The following KIF20A variants were observed in gnomAD, a reference collection of about 807,000 sequenced individuals.
The protein encoded by KIF20A is kinesin-like protein KIF20A.
Under a neutral mutation model 113.0 loss-of-function variants are expected in KIF20A, and 66 were observed. The observed-to-expected ratio is 0.58, with a 90% CI of 0.48 to 0.72. KIF20A has a LOEUF of 0.72. KIF20A is among the 30% of genes least tolerant of loss of function. The probability of loss-of-function intolerance (pLI) is 0.00; values close to 1 mark genes in which losing one functional copy is unlikely to be tolerated. For synonymous variants in KIF20A, 376 were observed against 402.3 expected, an observed-to-expected ratio of 0.93 and a Z score of 0.78; for missense variants, 927 against 1,077.6, an observed-to-expected ratio of 0.86 and a Z score of 1.96.
intron 17 of KIF20A, 52 bp downstream of exon 17, chr5:138,186,104 A>G: frequency 6.5e-7 from 1 of 1,540,204 alleles, no homozygotes; most frequent in Non-Finnish European, 9.0e-7. Context: ...GCAATTTCCC[A>G]CATCCAACAC....
chr5:138,183,879 C>T lies in KIF20A; in HGVS notation c.1209-83C>T, dbSNP rs761317869. On this transcript the variant is annotated intron_variant, in intron 10 of 18. Coordinates refer to ENST00000394894, the MANE Select transcript of KIF20A (RefSeq NM_005733.3). This position sits in a 1 kb window ranked among gnomAD's most constrained non-coding sequence, Gnocchi z 5.2. ...TTGGGTACAGAGATTCTTAGTGGGC[C>T]GTCCCCTCTCCAGAATTATACAAAG... is the stretch of plus-strand genomic sequence containing the variant. 4.4e-6 allele frequency: 7 copies of T among 1,589,372 alleles called. No homozygotes were observed. Among genetic ancestry groups the T allele is most frequent in the African/African-American group, 1.3e-5 (1 of 74,176 alleles).
intron 4 of KIF20A, chr5:138,181,944 C>T (rs1307957966): frequency 3.3e-6 from 2 of 604,980 alleles, no homozygotes; most frequent in Non-Finnish European, 5.7e-6. Flanking sequence ...TCCTTATTTT[C>T]CTCACAAGGA....
chr5:138,185,737 T>C, intron 16 of KIF20A, 27 bp downstream of exon 16: 1 of 1,610,358 alleles, frequency 6.2e-7, no homozygotes, highest in Non-Finnish European at 8.5e-7. Context: ...GCAGGAAACA[T>C]AACAGTGGTT....
chr5:138,181,424 T>G lies in KIF20A; in HGVS notation c.168T>G (p.Val56=). Reference sequence around the variant, plus strand: ...TCTGGGCTGGGATTCTGCCACAGGTTCCATCTGAGGACAGTATGGAGAAGG... The same window carrying G: ...TCTGGGCTGGGATTCTGCCACAGGTGCCATCTGAGGACAGTATGGAGAAGG... ...VSTSLEDKQQ[V]PSEDSMEKVK... The change falls in exon 3 of 19, where the codon GTT becomes GTG. Residue 56 remains valine, a splice_region_variant and synonymous_variant. Transcript: ENST00000394894. 6.2e-7 allele frequency: 1 copy of G among 1,614,054 alleles called. No individual in the cohort carries two copies. Among genetic ancestry groups the G allele is most frequent in the Non-Finnish European group, 8.5e-7 (1 of 1,179,884 alleles).
In KIF20A at chr5:138,183,435, T is replaced by C; in HGVS notation, c.1028-35T>C. 1 of 1,611,638 alleles carries C rather than the reference T, an allele frequency of 6.2e-7. No homozygotes were observed. The highest frequency in any genetic ancestry group is 8.5e-7 in the Non-Finnish European group (1 of 1,177,802). ...GGGAGAGACTGGCAAAAGAGTTGGA[T>C]GTTCCCATCTTACACCCCTCTCCTT... On this transcript the variant is annotated intron_variant, in intron 8 of 18. Transcript: ENST00000394894. This position sits in a 1 kb window ranked among gnomAD's most constrained non-coding sequence, Gnocchi z 5.2.
At position 138,187,287 on chromosome 5, in the gene KIF20A, CCTTCGAAATTTA is replaced by C; in HGVS notation, c.2552_2563del (p.Arg851_Leu854del). On this transcript the variant is annotated inframe_deletion, in exon 19 of 19. Coordinates refer to ENST00000394894, the MANE Select transcript of KIF20A (RefSeq NM_005733.3). ...AACAACCACCAGGGAAGAAACCATTCCTTCGAAATTTACTTCCCCGAACACCAACCTGCCAAA... is the reference window on the plus strand; with the variant it reads ...AACAACCACCAGGGAAGAAACCATTCCTTCCCCGAACACCAACCTGCCAAA... 6.2e-7 allele frequency: 1 copy of C among 1,614,180 alleles called. No individual in the cohort carries two copies. Among genetic ancestry groups the C allele is most frequent in the African/African-American group, 1.3e-5 (1 of 75,066 alleles).
rs200538083 is a variant in KIF20A, at chr5:138,184,722, A to G, written c.1683+46A>G. On this transcript the variant is annotated intron_variant, in intron 13 of 18. Transcript: ENST00000394894. The stretch of plus-strand genomic sequence containing the variant: ...TAGTGTAGCAGCTTAGTAGCTACAC[A>G]TTTTTCCATGGTGCCTTCCAGGTGG... The G allele has an allele frequency of 6.3e-5, 102 of 1,610,246 alleles. No individual in the cohort carries two copies. In the African/African-American group the frequency reaches 1.2e-3, roughly 20 times the overall value.
chr5:138,185,450 C>A, intron 15 of KIF20A, 62 bp from the exon 16 acceptor site: 1 of 1,490,240 alleles, frequency 6.7e-7, no homozygotes, highest in Non-Finnish European at 9.3e-7. Flanking sequence ...TTTGTTCAGT[C>A]ATCTGTCTTA....
At chr5:138,185,431 A>G (rs1237805382) in intron 15 of KIF20A, 81 bp from the exon 16 acceptor site, 2 of 1,343,720 alleles carry the variant, frequency 1.5e-6, no homozygotes, top group Non-Finnish European at 2.1e-6. Flanking sequence ...CAGTGTCACA[A>G]GTGCTTTGTT....
Position 138,184,769 on chromosome 5 carries a change from G to A in KIF20A, c.1684-38G>A, listed in dbSNP as rs1754717937. The A allele has an allele frequency of 1.9e-6, 3 of 1,612,398 alleles. No homozygotes were observed. The African/African-American group carries it at 4.0e-5, about 22-fold the overall frequency. On this transcript the variant is annotated intron_variant, in intron 13 of 18. Transcript: ENST00000394894. ...GTGGGCTTGTGCCTTCTGAGGGCAT[G>A]AGCATCTGATGACCTCTGACATGTG...
Position 138,187,283 on chromosome 5 carries a change from C to G in KIF20A, c.2543C>G (p.Pro848Arg). Residue 848 changes from proline to arginine, a missense_variant, in exon 19 of 19, where the codon CCA (proline) becomes CGA (arginine). Physicochemically the swap from Pro to Arg is moderately radical, Grantham distance 103. Coordinates refer to ENST00000394894, the MANE Select transcript of KIF20A (RefSeq NM_005733.3). ...QPNQQPPGKK[P>R]FLRNLLPRTP... Reference sequence around the variant, plus strand: ...AACCAACAACCACCAGGGAAGAAACCATTCCTTCGAAATTTACTTCCCCGA... The same window carrying G: ...AACCAACAACCACCAGGGAAGAAACGATTCCTTCGAAATTTACTTCCCCGA... 1 of 1,614,160 alleles carries G rather than the reference C, an allele frequency of 6.2e-7. No individual in the cohort carries two copies. Among genetic ancestry groups the G allele is most frequent in the South Asian group, 1.1e-5 (1 of 91,080 alleles).
chr5:138,186,395 A>G lies in KIF20A; in HGVS notation c.2319A>G (p.Gln773=), dbSNP rs1399842838. The change falls in exon 18 of 19, where the codon CAA becomes CAG. Residue 773 remains glutamine, a synonymous_variant. Transcript: ENST00000394894. Reference sequence around the variant, plus strand: ...GCACTGGGGCAGGAAAACTTCGTCAAGCCTTGACCACTTGTGATGACATCT... The same window carrying G: ...GCACTGGGGCAGGAAAACTTCGTCAGGCCTTGACCACTTGTGATGACATCT... The part of the protein sequence containing the change: ...CHSTGAGKLR[Q]ALTTCDDILI... The G allele has an allele frequency of 2.5e-6, 4 of 1,611,456 alleles. No homozygotes were observed. In the Admixed American group the frequency reaches 6.8e-5, roughly 27 times the overall value.
At chr5:138,184,760 T>TGAG in intron 13 of KIF20A, 47 bp from the exon 14 acceptor site, 1 of 1,611,868 alleles carries the variant, frequency 6.2e-7, no homozygotes, top group Non-Finnish European at 8.5e-7. Flanking sequence ...TTGTGCCTTC[T>TGAG]GAGGGCATGA....
At position 138,181,451 on chromosome 5, in the gene KIF20A, G is replaced by A. The variant is rs1487267152; in HGVS notation, c.195G>A (p.Val65=). 1.2e-6 allele frequency: 2 copies of A among 1,614,232 alleles called. No homozygotes were observed. Among genetic ancestry groups the A allele is most frequent in the Admixed American group, 1.7e-5 (1 of 60,028 alleles). ...CATCTGAGGACAGTATGGAGAAGGT[G>A]AAAGTATACTTGAGGGTTAGGCCCT... The part of the protein sequence containing the change: ...QVPSEDSMEK[V]KVYLRVRPLL... The change falls in exon 3 of 19, where the codon GTG becomes GTA. Residue 65 remains valine, a synonymous_variant. Transcript: ENST00000394894.
In KIF20A at chr5:138,185,719, A is replaced by G; in HGVS notation, c.2125+9A>G. 1.9e-6 allele frequency: 3 copies of G among 1,613,852 alleles called. No homozygotes were observed. The highest frequency in any genetic ancestry group is 2.5e-6 in the Non-Finnish European group (3 of 1,179,708). The stretch of plus-strand genomic sequence containing the variant: ...AAACTCTACCACTGAAGGTGAGGAA[A>G]GAGACAGGCAGGAAACATAACAGTG... On this transcript the variant is annotated intron_variant, in intron 16 of 18. Coordinates refer to ENST00000394894, the MANE Select transcript of KIF20A (RefSeq NM_005733.3).
chr5:138,180,897 G>C (rs113511234), intron 2 of KIF20A, among the ~76,000 whole-genome samples: 1 of 152,150 alleles, frequency 6.6e-6, no homozygotes, highest in Non-Finnish European at 1.5e-5. Context: ...GACTGGTCTG[G>C]AACTCCTGAC....
chr5:138,182,396 A>G lies in KIF20A; in HGVS notation c.449A>G (p.Lys150Arg). The G allele has an allele frequency of 6.2e-7, 1 of 1,614,182 alleles. No homozygotes were observed. Among genetic ancestry groups the G allele is most frequent in the Non-Finnish European group, 8.5e-7 (1 of 1,180,020 alleles). The part of the protein sequence containing the change: ...TVKEMVKDVL[K>R]GQNWLIYTYG... ...AAGGAGATGGTAAAGGATGTACTCA[A>G]AGGGCAGAACTGGCTCATCTATACA... is the stretch of plus-strand genomic sequence containing the variant. The change falls in exon 5 of 19, where the codon AAA becomes AGA. Residue 150 changes from lysine (K) to arginine (R), a missense_variant. Lys to Arg is a conservative substitution (Grantham distance 26, BLOSUM62 2). Transcript: ENST00000394894.
chr5:138,180,706 C>T (rs538502541), intron 2 of KIF20A, among the ~76,000 whole-genome samples: 79 of 152,142 alleles, frequency 5.2e-4, no homozygotes, highest in African/African-American at 1.7e-3. Context: ...GATGGAGTCT[C>T]GCTCTGTCCC....
In KIF20A at chr5:138,187,573, ATG is replaced by A. The variant is rs1754767368; in HGVS notation, c.*162_*163del. ...TCTCACTTTTGTATTATAACCACCT[ATG>A]TAATCTCATGTTGTTGTTTTTTTTT... On this transcript the variant is annotated 3_prime_UTR_variant, in exon 19 of 19. Transcript: ENST00000394894. The A allele has an allele frequency of 3.6e-6, 2 of 552,618 alleles. No homozygotes were observed. Among genetic ancestry groups the A allele is most frequent in the African/African-American group, 3.7e-5 (2 of 53,484 alleles). The allele number at this position is 552,618 out of a possible 1,614,324, so 34.2% of individuals were successfully genotyped here. A position where few individuals can be genotyped will look rare whatever the true frequency, so the allele number is the denominator to read the frequency against.
Sources: allele counts gnomAD v4.1 joint callset (sites outside exome capture counted in the v4.1 genomes callset), GRCh38; gene constraint gnomAD v4.1.1; non-coding constraint Gnocchi (gnomAD v3.1); transcripts MANE v1.5; gene names NCBI Gene and HGNC (gene_info 2026-07-23, HGNC 2026-07-21).